Variants in DLGAP2 observed in about 807,000 individuals in gnomAD.
DLGAP2 encodes the protein disks large-associated protein 2.
Under a neutral mutation model 100.3 loss-of-function variants are expected in DLGAP2, and 26 were observed. That is an observed-to-expected ratio of 0.26 (90% CI 0.19 to 0.36). DLGAP2 has a LOEUF of 0.36. Among genes scored for constraint, DLGAP2 ranks in the 10% least tolerant of loss-of-function variants. The pLI is 1.00. For synonymous variants in DLGAP2, 886 were observed against 630.1 expected (o/e 1.41, Z -6.08); for missense variants, 1,858 against 1,453.2 (o/e 1.28, Z -4.53).
chr8:1,600,483 A>C (rs2956945), intron 6 of DLGAP2, among the ~76,000 whole-genome samples: 1 of 151,986 alleles, frequency 6.6e-6, no homozygotes, highest in Admixed American at 6.6e-5. Context: ...GCTTGGTTCC[A>C]TTCTCCCCGT....
At chr8:1,202,675 C>G (rs563946224) in intron 2 of DLGAP2, among the ~76,000 whole-genome samples, 16 of 152,258 alleles carry the variant, frequency 1.1e-4, no homozygotes, top group African/African-American at 2.9e-4. Context: ...CTGTCCCAGT[C>G]AAGGCAGCAA....
rs766268869 is a variant in DLGAP2, at chr8:1,548,822, C to T, written c.369C>T (p.Ser123=). The T allele has an allele frequency of 2.5e-5, 40 of 1,580,626 alleles. No individual in the cohort carries two copies. The South Asian group carries it at 4.4e-4, about 17-fold the overall frequency. Reference sequence around the variant, plus strand: ...ACGCGCGGCCGCCCTACCTGCTGAGCCCCGCCGACAGCTGCCCCGGGGGGC... The same window carrying T: ...ACGCGCGGCCGCCCTACCTGCTGAGTCCCGCCGACAGCTGCCCCGGGGGGC... The part of the protein sequence containing the change: ...GPDARPPYLL[S]PADSCPGGRH... The change falls in exon 5 of 15, where the codon AGC becomes AGT. Residue 123 remains serine, a synonymous_variant. Transcript: ENST00000637795.
At chr8:1,198,891 C>T (rs1797810444) in intron 2 of DLGAP2, among the ~76,000 whole-genome samples, 1 of 152,220 alleles carries the variant, frequency 6.6e-6, no homozygotes, top group African/African-American at 2.4e-5. Flanking sequence ...TATGCAGGTG[C>T]ACAGGGAAGG....
At chr8:950,605 TTTC>T (rs1461527038) in intron 2 of DLGAP2, among the ~76,000 whole-genome samples, 1 of 150,786 alleles carries the variant, frequency 6.6e-6, no homozygotes, top group Non-Finnish European at 1.5e-5. Context: ...TTGTAGAATA[TTTC>T]TTTTTTTCTT....
chr8:934,346 G>A (rs964845130), intron 2 of DLGAP2, among the ~76,000 whole-genome samples: 13 of 150,232 alleles, frequency 8.7e-5, no homozygotes, highest in African/African-American at 2.4e-4. Context: ...ACACCTGGCC[G>A]TGGGCACGAG....
intron 3 of DLGAP2, among the ~76,000 whole-genome samples, chr8:1,400,013 T>A (rs376706077): frequency 8.0e-4 from 2 of 2,498 alleles, no homozygotes; most frequent in East Asian, 0.038. Context: ...GTGTATTGAG[T>A]GCTTACTGAG....
At chr8:1,174,027 C>G (rs564726514) in intron 2 of DLGAP2, among the ~76,000 whole-genome samples, 4 of 152,244 alleles carry the variant, frequency 2.6e-5, no homozygotes, top group African/African-American at 9.6e-5. Flanking sequence ...CTTGGCTCCT[C>G]CGCTCGATCC....
intron 2 of DLGAP2, among the ~76,000 whole-genome samples, chr8:1,186,280 C>T (rs1425477083): frequency 1.3e-5 from 2 of 152,246 alleles, no homozygotes; most frequent in African/African-American, 4.8e-5. Flanking sequence ...ATCTGCGAAC[C>T]TTGGGGGCAG....
chr8:942,551 T>C (rs1276123911), intron 2 of DLGAP2, among the ~76,000 whole-genome samples: 1 of 152,222 alleles, frequency 6.6e-6, no homozygotes, highest in South Asian at 2.1e-4. Context: ...TAGATGACTT[T>C]TACCTTTCAC....
At chr8:1,134,867 G>C (rs1010073666) in intron 2 of DLGAP2, among the ~76,000 whole-genome samples, 1 of 152,062 alleles carries the variant, frequency 6.6e-6, no homozygotes, top group Non-Finnish European at 1.5e-5. Flanking sequence ...ACAGTGTGGG[G>C]GAGACCTCCC....
chr8:1,231,313 C>G (rs1386084892), intron 2 of DLGAP2, among the ~76,000 whole-genome samples: 1 of 152,086 alleles, frequency 6.6e-6, no homozygotes, highest in Non-Finnish European at 1.5e-5. Flanking sequence ...GTCAGAATGA[C>G]TATTATTAAA....
In DLGAP2 at chr8:928,205, G is replaced by T. The variant is rs117903739; in HGVS notation, c.73+20239G>T. 5.5e-4 allele frequency among the ~76,000 whole-genome samples: 83 copies of T among 152,292 alleles called. No homozygotes were observed. In the East Asian group the frequency reaches 0.014, roughly 25 times the overall value. On this transcript the variant is annotated intron_variant, in intron 2 of 14. Coordinates refer to ENST00000637795, the MANE Select transcript of DLGAP2 (RefSeq NM_001346810.2). ...TTCATATTCAGTAGGCCTCATGGAC[G>T]CAGATTTACGAGATTTTCCTGGACA...
Position 991,726 on chromosome 8 carries a change from C to T in DLGAP2, c.73+83760C>T, listed in dbSNP as rs1359485035. On this transcript the variant is annotated intron_variant, in intron 2 of 14. Transcript: ENST00000637795. ...CCCTCCTTGCCCAGACCCCCTGCAC[C>T]CCCATACTCGGAGTTCCTGTTCTTC... Among the ~76,000 whole-genome samples, 9 of 2,464 alleles carry T rather than the reference C, an allele frequency of 3.7e-3. 1 individual carries two copies. Among genetic ancestry groups the T allele is most frequent in the African/African-American group, 0.023 (4 of 172 alleles). The allele number at this position is 2,464 out of a possible 152,430, so 1.6% of individuals were successfully genotyped here. A position where few individuals can be genotyped will look rare whatever the true frequency, so the allele number is the denominator to read the frequency against.
intron 2 of DLGAP2, among the ~76,000 whole-genome samples, chr8:1,150,306 T>C (rs1796675490): frequency 6.6e-6 from 1 of 152,252 alleles, no homozygotes; most frequent in South Asian, 2.1e-4. Context: ...CACTGTCTTC[T>C]GCCTTCCCTG....
intron 3 of DLGAP2, among the ~76,000 whole-genome samples, chr8:1,348,812 C>G (rs1262193501): frequency 1.3e-5 from 2 of 152,184 alleles, no homozygotes; most frequent in Non-Finnish European, 2.9e-5. Context: ...TTGATGGATT[C>G]AGCACCAGCC....
At chr8:986,688 C>G (rs996036626) in intron 2 of DLGAP2, among the ~76,000 whole-genome samples, 3 of 146,494 alleles carry the variant, frequency 2.0e-5, no homozygotes, top group African/African-American at 5.1e-5. Context: ...GAGACAGAGT[C>G]TCACTCTGTT....
intron 3 of DLGAP2, among the ~76,000 whole-genome samples, chr8:1,340,300 A>C (rs1801390416): frequency 1.3e-5 from 2 of 152,368 alleles, no homozygotes; most frequent in South Asian, 4.1e-4. Flanking sequence ...CAAACAGGCA[A>C]CCTACAGAAT....
At chr8:1,640,124 G>A (rs1000598195) in intron 8 of DLGAP2, among the ~76,000 whole-genome samples, 6 of 152,174 alleles carry the variant, frequency 3.9e-5, no homozygotes, top group Non-Finnish European at 5.9e-5. Flanking sequence ...AGTATAAATG[G>A]TGACATCCTT....
Position 1,464,743 on chromosome 8 carries a change from G to T in DLGAP2, c.107-36623G>T, listed in dbSNP as rs1013028552. Among the ~76,000 whole-genome samples, 6 of 152,168 alleles carry T rather than the reference G, an allele frequency of 3.9e-5. 1 individual carries two copies. The highest frequency in any genetic ancestry group is 1.4e-4 in the African/African-American group (6 of 41,440). ...GAAAGTGACCTTGGGGGCCAGAAGG[G>T]CTCACTGCCTCACGCCTCACCGTCC... On this transcript the variant is annotated intron_variant, in intron 3 of 14. Transcript: ENST00000637795.
Sources: gnomAD v4.1 joint callset for allele counts (sites outside exome capture counted in the v4.1 genomes callset) on GRCh38, gnomAD v4.1.1 for gene constraint, MANE v1.5 for transcripts, NCBI Gene and HGNC (gene_info 2026-07-23, HGNC 2026-07-21) for gene names.